DENND2B: variants seen among roughly 807,000 people sequenced by gnomAD.
DENND2B encodes the protein DENN domain-containing protein 2B.
Under a neutral mutation model 116.0 loss-of-function variants are expected in DENND2B, and 32 were observed. That is an observed-to-expected ratio of 0.28 (90% confidence interval 0.21 to 0.37). The LOEUF (loss-of-function observed/expected upper bound fraction) is 0.37, where lower values mean the gene tolerates loss of function less well. Among genes scored for constraint, DENND2B ranks in the 10% least tolerant of loss-of-function variants. The pLI is 1.00. For missense variants in DENND2B, 1,276 were observed against 1,477.7 expected (o/e 0.86, Z 2.24); for synonymous variants, 588 against 583.9 (o/e 1.01, Z -0.10).
At chr11:8,752,667 T>TA (rs2052759823) in intron 1 of DENND2B, among the ~76,000 whole-genome samples, 1 of 152,164 alleles carries the variant, frequency 6.6e-6, no homozygotes, top group Non-Finnish European at 1.5e-5. Flanking sequence ...TATTTAAAAG[T>TA]AAAAAATGTC....
Position 8,702,433 on chromosome 11 carries a change from C to A in DENND2B, c.2720+139G>T. ...CCACACAGGGGTGCTACCTTTCCAC[C>A]TAGTCTTCCATCTCCCTACGCACAG... On this transcript the variant is annotated intron_variant, in intron 14 of 19. Coordinates refer to ENST00000313726, the MANE Select transcript of DENND2B (RefSeq NM_213618.2). This position sits in a 1 kb window ranked among gnomAD's most constrained non-coding sequence, Gnocchi z 4.6. The A allele has an allele frequency of 1.6e-6, 2 of 1,258,748 alleles. No individual in the cohort carries two copies. The highest frequency in any genetic ancestry group is 2.5e-5 in the Admixed American group (1 of 40,592). The allele number at this position is 1,258,748 out of a possible 1,614,324, so 78.0% of individuals were successfully genotyped here. A position where few individuals can be genotyped will look rare whatever the true frequency, so the allele number is the denominator to read the frequency against.
At chr11:8,711,298 C>A in intron 9 of DENND2B, 67 bp from the exon 10 acceptor site, 1 of 1,423,424 alleles carries the variant, frequency 7.0e-7, no homozygotes, top group Non-Finnish European at 9.9e-7. Flanking sequence ...CTGAGAAGCC[C>A]CTCCTCCCCT....
chr11:8,810,726 G>C (rs916216619), upstream of DENND2B: 1 of 152,240 alleles, frequency 6.6e-6, no homozygotes, highest in African/African-American at 2.4e-5. Context: ...CCCTGTCCTC[G>C]CTAGGCGGGC....
chr11:8,711,699 C>T (rs921727225), intron 9 of DENND2B, among the ~76,000 whole-genome samples: 4 of 152,040 alleles, frequency 2.6e-5, no homozygotes, highest in Admixed American at 1.3e-4. Context: ...GAAACCCCAT[C>T]GCTACTAAAA....
intron 3 of DENND2B, among the ~76,000 whole-genome samples, chr11:8,843,614 G>T (rs1193637449): frequency 6.6e-6 from 1 of 152,076 alleles, no homozygotes; most frequent in African/African-American, 2.4e-5. Context: ...TACCTCCACA[G>T]ATCTCCAGCC....
In DENND2B at chr11:8,702,402, C is replaced by T. The variant is rs2041864563; in HGVS notation, c.2720+170G>A. Among the ~76,000 whole-genome samples the T allele has an allele frequency of 6.6e-6, 1 of 152,170 alleles. No homozygotes were observed. The highest frequency in any genetic ancestry group is 2.1e-4 in the South Asian group (1 of 4,828). On this transcript the variant is annotated intron_variant, in intron 14 of 19. Transcript: ENST00000313726. This position sits in a 1 kb window ranked among gnomAD's most constrained non-coding sequence, Gnocchi z 4.6. ...ATCTGTGTGCTCCCAAACCCTGCTC[C>T]CTCACCCACACAGGGGTGCTACCTT...
At chr11:8,910,932 GCCCCCGACCCCCGA>G (rs560895910) in exon 1 of DENND2B, 36 of 60,594 alleles carry the variant, frequency 5.9e-4, no homozygotes, top group African/African-American at 2.2e-3. Context: ...TCAGCCCCCA[GCCCCCGACCCCCGA>G]CCCCCGGCCC....
chr11:8,776,681 A>G (rs960475264), intron 1 of DENND2B: 2 of 174,120 alleles, frequency 1.1e-5, no homozygotes, highest in African/African-American at 4.7e-5. Flanking sequence ...CTTAGAATAT[A>G]TTCTATTATA....
At position 8,717,641 on chromosome 11, in the gene DENND2B, G is replaced by GTTTTA. The variant is rs912988742; in HGVS notation, c.1629+99_1629+100insTAAAA. The GTTTTA allele has an allele frequency of 4.5e-5, 64 of 1,408,016 alleles. No individual in the cohort carries two copies. The African/African-American group carries it at 8.5e-4, about 19-fold the overall frequency. The allele number at this position is 1,408,016 out of a possible 1,614,324, so 87.2% of individuals were successfully genotyped here. ...AGACCCTTTATCAAGTACTAGTGAG[G>GTTTTA]GTAAAAGCCTGAGTGGAAGCTGGGC... On this transcript the variant is annotated intron_variant, in intron 5 of 19. Coordinates refer to ENST00000313726, the MANE Select transcript of DENND2B (RefSeq NM_213618.2).
chr11:8,748,268 T>C lies in DENND2B; in HGVS notation c.80+2353A>G, dbSNP rs147110746. Among the ~76,000 whole-genome samples, 347 of 152,290 alleles carry C rather than the reference T, an allele frequency of 2.3e-3. 3 individuals are homozygous for C. Among genetic ancestry groups the C allele is most frequent in the African/African-American group, 7.7e-3 (319 of 41,550 alleles). On this transcript the variant is annotated intron_variant, in intron 2 of 19. Transcript: ENST00000313726. ...GCCCCAGGTCACTACCAAACACCTA[T>C]TGAAAGGTCAAACTAAGAAACTCAG...
chr11:8,890,215 G>A (rs2064013781), intron 1 of DENND2B, among the ~76,000 whole-genome samples: 1 of 152,100 alleles, frequency 6.6e-6, no homozygotes, highest in African/African-American at 2.4e-5. Flanking sequence ...CAAACAGAAA[G>A]GACATCCACA....
intron 4 of DENND2B, among the ~76,000 whole-genome samples, chr11:8,816,663 C>T (rs1280627665): frequency 2.6e-5 from 4 of 152,122 alleles, no homozygotes; most frequent in Non-Finnish European, 5.9e-5. Flanking sequence ...TACAGTTTTC[C>T]TCTTCTGCCT....
intron 1 of DENND2B, among the ~76,000 whole-genome samples, chr11:8,800,714 C>T (rs2060238859): frequency 6.6e-6 from 1 of 152,196 alleles, no homozygotes; most frequent in African/African-American, 2.4e-5. Context: ...CAACAAAGCT[C>T]AGAGCTTTGG....
intron 19 of DENND2B, 128 bp downstream of exon 19, chr11:8,695,335 A>T: frequency 1.2e-6 from 1 of 869,238 alleles, no homozygotes; most frequent in Non-Finnish European, 1.9e-6. Flanking sequence ...TGGGATGTCT[A>T]CATCCTGTTC....
Position 8,712,187 on chromosome 11 carries a change from T to C in DENND2B, c.2172+364A>G, listed in dbSNP as rs1447654383. On this transcript the variant is annotated intron_variant, in intron 9 of 19. Coordinates refer to ENST00000313726, the MANE Select transcript of DENND2B (RefSeq NM_213618.2). This position sits in a 1 kb window ranked among gnomAD's most constrained non-coding sequence, Gnocchi z 4.4. ...CAGCTAGTGGGTGCAGAGTTTCTCTTTGGGGTGATAAAAATGTTCTAAAAT... is the reference window on the plus strand; with the variant it reads ...CAGCTAGTGGGTGCAGAGTTTCTCTCTGGGGTGATAAAAATGTTCTAAAAT... Among the ~76,000 whole-genome samples the C allele has an allele frequency of 6.6e-6, 1 of 152,138 alleles. No individual in the cohort carries two copies. Among genetic ancestry groups the C allele is most frequent in the East Asian group, 1.9e-4 (1 of 5,196 alleles).
Position 8,700,182 on chromosome 11 carries a change from G to A in DENND2B, c.2721-792C>T, listed in dbSNP as rs550307899. 9.8e-5 allele frequency among the ~76,000 whole-genome samples: 15 copies of A among 152,340 alleles called. No individual in the cohort carries two copies. The South Asian group carries it at 3.1e-3, about 32-fold the overall frequency. On this transcript the variant is annotated intron_variant, in intron 14 of 19. Transcript: ENST00000313726. ...GGGCCACTAAGGTCAGGCCAGGCCA[G>A]GGCACCAAAGCTGGGCAGTCAGGGG...
intron 2 of DENND2B, among the ~76,000 whole-genome samples, chr11:8,734,801 A>G (rs1310616371): frequency 6.6e-6 from 1 of 151,696 alleles, no homozygotes; most frequent in Admixed American, 6.6e-5. Context: ...CAAAAAAAAA[A>G]AAAAAAAAAA....
chr11:8,781,921 G>A (rs1593609293), intron 1 of DENND2B, among the ~76,000 whole-genome samples: 1 of 152,160 alleles, frequency 6.6e-6, no homozygotes, highest in Admixed American at 6.5e-5. Context: ...TGAGAAGCAT[G>A]GGATCTCCAA....
chr11:8,827,090 AG>A (rs2062007867), intron 4 of DENND2B, among the ~76,000 whole-genome samples: 1 of 152,242 alleles, frequency 6.6e-6, no homozygotes, highest in South Asian at 2.1e-4. Context: ...CAGGGATGTC[AG>A]GGAACATACT....
Sources: allele counts gnomAD v4.1 joint callset (sites outside exome capture counted in the v4.1 genomes callset), GRCh38; gene constraint gnomAD v4.1.1; non-coding constraint Gnocchi (gnomAD v3.1); transcripts MANE v1.5; gene names NCBI Gene and HGNC (gene_info 2026-07-23, HGNC 2026-07-21).